The following CTSH variants were observed in gnomAD, a reference collection of about 807,000 sequenced individuals.
CTSH encodes the protein cathepsin H, also known as pro-cathepsin H.
A neutral mutation model predicts 56.3 loss-of-function variants in CTSH; 52 were observed. That is an observed-to-expected ratio of 0.92 (90% confidence interval 0.74 to 1.16). The LOEUF (loss-of-function observed/expected upper bound fraction) is 1.16, where lower values mean the gene tolerates loss of function less well. Among genes scored for constraint, CTSH ranks in the 50% most tolerant of loss-of-function variants. CTSH has a pLI of 0.00. For missense variants in CTSH, 406 were observed against 424.5 expected (o/e 0.96, Z 0.38); for synonymous variants, 174 against 155.7 (o/e 1.12, Z -0.88).
intron 6 of CTSH, chr15:78,931,813 C>G: frequency 7.5e-7 from 1 of 1,327,990 alleles, no homozygotes; most frequent in South Asian, 1.5e-5. Context: ...AGTGTGGGGT[C>G]CCACAGCGGT....
intron 1 of CTSH, among the ~76,000 whole-genome samples, chr15:78,942,769 G>A (rs1261137151): frequency 6.6e-6 from 1 of 152,216 alleles, no homozygotes; most frequent in African/African-American, 2.4e-5. Flanking sequence ...TAAAAGGTCT[G>A]TAAATGGATT....
At chr15:78,924,678 C>T (rs969765723) in intron 10 of CTSH, among the ~76,000 whole-genome samples, 6 of 144,308 alleles carry the variant, frequency 4.2e-5, no homozygotes, top group Non-Finnish European at 9.1e-5. Flanking sequence ...GTCTTCAAAT[C>T]TTTAAACATG....
At chr15:78,944,631 G>T in intron 1 of CTSH, 1 of 462,406 alleles carries the variant, frequency 2.2e-6, no homozygotes, top group Non-Finnish European at 3.6e-6. Context: ...GGTATTCTAG[G>T]CTGGAGAGCC....
At chr15:78,938,919 T>G (rs1567376497) in intron 2 of CTSH, among the ~76,000 whole-genome samples, 1 of 152,228 alleles carries the variant, frequency 6.6e-6, no homozygotes, top group African/African-American at 2.4e-5. Context: ...TCCCAGGGCT[T>G]GGAAGGCTGT....
intron 3 of CTSH, among the ~76,000 whole-genome samples, chr15:78,936,631 GTTTC>G (rs1567372523): frequency 6.6e-6 from 1 of 151,270 alleles, no homozygotes; most frequent in African/African-American, 2.4e-5. Context: ...GTGCGTGTGA[GTTTC>G]TTTTTTTTTT....
chr15:78,932,055 A>G, intron 6 of CTSH: 1 of 1,233,724 alleles, frequency 8.1e-7, no homozygotes, highest in Non-Finnish European at 1.0e-6. Context: ...GGAAGGGTGT[A>G]GCTCCTAGTT....
chr15:78,942,256 C>T (rs1267383223), intron 1 of CTSH, among the ~76,000 whole-genome samples: 1 of 144,280 alleles, frequency 6.9e-6, no homozygotes, highest in South Asian at 2.2e-4. Context: ...GGCTCTGTTG[C>T]CCAGGCTGGA....
Position 78,932,389 on chromosome 15 carries a change from C to T in CTSH, c.475G>A (p.Gly159Arg), listed in dbSNP as rs758377577. 28 of 1,613,938 alleles carry T rather than the reference C, an allele frequency of 1.7e-5. No homozygotes were observed. Among genetic ancestry groups the T allele is most frequent in the East Asian group, 1.1e-4 (5 of 44,894 alleles). Residue 159 changes from glycine to arginine, a missense_variant, in exon 6 of 12, where the codon GGA becomes AGA. Physicochemically the swap from Gly to Arg is moderately radical, Grantham distance 125. Transcript: ENST00000220166. Reference protein sequence around the residue: ...ALESAIAIATGKMLSLAEQQL... With the variant: ...ALESAIAIATRKMLSLAEQQL... The stretch of plus-strand genomic sequence containing the variant: ...TTTCTTACCAAGGACAGCATCTTTC[C>T]GGTTGCGATGGCGATCGCAGACTCC...
rs574049861 is a variant in CTSH at position 78,921,847 on chromosome 15, T to C, written c.*283A>G. On this transcript the variant is annotated 3_prime_UTR_variant, in exon 12 of 12. Coordinates refer to ENST00000220166, the MANE Select transcript of CTSH (RefSeq NM_004390.5). ...TCCCTGGAGCTCTATATGTGGAAAG[T>C]AGCCCTTCTGGACAGAAAGAATATT... The C allele has an allele frequency of 2.9e-5, 13 of 451,330 alleles. No individual in the cohort carries two copies. The highest frequency in any genetic ancestry group is 4.8e-5 in the Non-Finnish European group (12 of 250,928). 28.0% of individuals were successfully genotyped at this position (451,330 alleles called of 1,614,324 possible). A position where few individuals can be genotyped will look rare whatever the true frequency, so the allele number is the denominator to read the frequency against.
rs764364344 is a variant in CTSH at position 78,934,843 on chromosome 15, G to T, written c.405+135C>A. 3 of 725,154 alleles carry T rather than the reference G, an allele frequency of 4.1e-6. No homozygotes were observed. The Admixed American group carries it at 6.0e-5, about 15-fold the overall frequency. 44.9% of individuals were successfully genotyped at this position (725,154 alleles called of 1,614,324 possible). A position where few individuals can be genotyped will look rare whatever the true frequency, so the allele number is the denominator to read the frequency against. On this transcript the variant is annotated intron_variant, in intron 5 of 11. Coordinates refer to ENST00000220166, the MANE Select transcript of CTSH (RefSeq NM_004390.5). The stretch of plus-strand genomic sequence containing the variant: ...CCTGGCCCCTCAAAGGAAGAGGGCT[G>T]GAGAGATGCCGAGAGGAAACAGAGG...
chr15:78,942,930 C>T (rs1334818881), intron 1 of CTSH, among the ~76,000 whole-genome samples: 1 of 152,104 alleles, frequency 6.6e-6, no homozygotes, highest in Non-Finnish European at 1.5e-5. Flanking sequence ...GGCCGTTTTC[C>T]CTGGGGAAAA....
In CTSH at chr15:78,942,669, G is replaced by GGAAC. The variant is rs1189343094; in HGVS notation, c.91+2221_91+2222insGTTC. The stretch of plus-strand genomic sequence containing the variant: ...CTGTCCCTATTGTTTTTATACCCAT[G>GGAAC]GGTTCAGGTTCAGATTGAATGAGAG... On this transcript the variant is annotated intron_variant, in intron 1 of 11. Coordinates refer to ENST00000220166, the MANE Select transcript of CTSH (RefSeq NM_004390.5). Among the ~76,000 whole-genome samples the GGAAC allele has an allele frequency of 3.9e-5, 6 of 152,236 alleles. No individual in the cohort carries two copies. In the South Asian group the frequency reaches 1.2e-3, roughly 32 times the overall value.
intron 1 of CTSH, among the ~76,000 whole-genome samples, chr15:78,941,155 C>G: frequency 6.7e-6 from 1 of 150,306 alleles, no homozygotes; most frequent in South Asian, 2.1e-4. Flanking sequence ...GGCTGGGCGC[C>G]GTGGCTCATG....
chr15:78,924,454 G>A (rs974712615), intron 10 of CTSH, among the ~76,000 whole-genome samples: 7 of 152,056 alleles, frequency 4.6e-5, no homozygotes, highest in African/African-American at 2.4e-5. Context: ...GGAGAGGAGA[G>A]CACAGACGTG....
chr15:78,929,692 G>A (rs2055005424), intron 7 of CTSH, among the ~76,000 whole-genome samples, 199 bp from the exon 8 acceptor site: 1 of 152,124 alleles, frequency 6.6e-6, no homozygotes, highest in Admixed American at 6.5e-5. Context: ...GGAGTCCAAG[G>A]ACCAGCCCAA....
chr15:78,929,407 G>C lies in CTSH; in HGVS notation c.630+5C>G. On this transcript the variant is annotated splice_donor_5th_base_variant and intron_variant, in intron 8 of 11. Transcript: ENST00000220166. ...AGAAGACAGAGTGGAGGCTGTTGGA[G>C]TTACCTTGCCCTGGTAGGGGTAGGT... is the stretch of plus-strand genomic sequence containing the variant. 2 of 1,610,440 alleles carry C rather than the reference G, an allele frequency of 1.2e-6. No homozygotes were observed. Among genetic ancestry groups the C allele is most frequent in the Middle Eastern group, 3.3e-4 (2 of 6,044 alleles).
intron 4 of CTSH, 44 bp from the exon 5 acceptor site, chr15:78,935,126 C>CA (rs1310223001): frequency 3.0e-6 from 4 of 1,314,276 alleles, no homozygotes; most frequent in Non-Finnish European, 4.4e-6. Flanking sequence ...TAAACAAAAC[C>CA]AAAAACCTTT....
chr15:78,935,736 A>G lies in CTSH; in HGVS notation c.244T>C (p.Phe82Leu). 1 of 1,611,406 alleles carries G rather than the reference A, an allele frequency of 6.2e-7. No homozygotes were observed. Among genetic ancestry groups the G allele is most frequent in the Non-Finnish European group, 8.5e-7 (1 of 1,177,690 alleles). Residue 82 changes from phenylalanine (F) to leucine (L), a missense_variant, in exon 4 of 12, where the codon TTT (phenylalanine) becomes CTT (leucine). Coordinates refer to ENST00000220166, the MANE Select transcript of CTSH (RefSeq NM_004390.5). Reference sequence around the variant, plus strand: ...ATTTCAGCAAAGCTCATGTCTGAAAATTGGTTCAGTGCCACTACAAAAGAG... The same window carrying G: ...ATTTCAGCAAAGCTCATGTCTGAAAGTTGGTTCAGTGCCACTACAAAAGAG... Reference protein sequence around the residue: ...NHTFKMALNQFSDMSFAEIKH... With the variant: ...NHTFKMALNQLSDMSFAEIKH...
intron 1 of CTSH, among the ~76,000 whole-genome samples, chr15:78,940,156 A>G (rs2055258334): frequency 6.9e-6 from 1 of 145,430 alleles, no homozygotes; most frequent in Admixed American, 7.0e-5. Flanking sequence ...CAAACAAGAC[A>G]AAATATTTTA....
Sources: gnomAD v4.1 joint callset for allele counts (sites outside exome capture counted in the v4.1 genomes callset) on GRCh38, gnomAD v4.1.1 for gene constraint, MANE v1.5 for transcripts, NCBI Gene and HGNC (gene_info 2026-07-23, HGNC 2026-07-21) for gene names.